OVOL2: variants seen among roughly 807,000 people sequenced by gnomAD.
OVOL2 encodes the protein ovo like zinc finger 2, also known as transcription factor Ovo-like 2.
A neutral mutation model predicts 18.1 loss-of-function variants in OVOL2; 13 were observed. That is an observed-to-expected ratio of 0.72 (90% confidence interval 0.47 to 1.14). The LOEUF (loss-of-function observed/expected upper bound fraction) is 1.14, where lower values mean the gene tolerates loss of function less well. OVOL2 is among the 50% of genes most tolerant of loss of function. The probability of loss-of-function intolerance (pLI) is 0.00; values close to 1 mark genes in which losing one functional copy is unlikely to be tolerated. For synonymous variants in OVOL2, 166 were observed against 162.7 expected, an observed-to-expected ratio of 1.02 and a Z score of -0.16; for missense variants, 335 against 383.0, an observed-to-expected ratio of 0.87 and a Z score of 1.05.
At chr20:18,046,485 G>A (rs918045488) in intron 2 of OVOL2, among the ~76,000 whole-genome samples, 1 of 152,190 alleles carries the variant, frequency 6.6e-6, no homozygotes, top group Non-Finnish European at 1.5e-5. Context: ...GCAACCACAA[G>A]GCAAGAACTG....
chr20:18,031,554 G>A (rs1202825491), intron 3 of OVOL2, among the ~76,000 whole-genome samples: 1 of 152,080 alleles, frequency 6.6e-6, no homozygotes, highest in Admixed American at 6.5e-5. Flanking sequence ...TCCAACCTGG[G>A]TAACGGAGCG....
rs1050887671 is a variant in OVOL2, at chr20:18,024,457, C to T, written c.*179G>A. ...ACAGGACACAGGTTACAGGGCCTGA[C>T]GTCACTAACGGCAACTGACAATCTT... On this transcript the variant is annotated 3_prime_UTR_variant, in exon 4 of 4. Transcript: ENST00000278780. 6.8e-6 allele frequency: 9 copies of T among 1,329,916 alleles called. No individual in the cohort carries two copies. The highest frequency in any genetic ancestry group is 1.6e-5 in the South Asian group (1 of 60,678). The allele number at this position is 1,329,916 out of a possible 1,614,324, so 82.4% of individuals were successfully genotyped here.
intron 3 of OVOL2, 57 bp from the exon 4 acceptor site, chr20:18,025,009 C>T: frequency 1.3e-6 from 2 of 1,547,512 alleles, no homozygotes; most frequent in Non-Finnish European, 1.8e-6. Flanking sequence ...CCAGAACCAC[C>T]CAACTATGAA....
intron 2 of OVOL2, among the ~76,000 whole-genome samples, chr20:18,043,522 C>G (rs1164073821): frequency 6.6e-6 from 1 of 152,206 alleles, no homozygotes; most frequent in Non-Finnish European, 1.5e-5. Context: ...TGAATAAAGC[C>G]TGATTGGACT....
chr20:18,031,164 A>G (rs1419212578), intron 3 of OVOL2, among the ~76,000 whole-genome samples: 1 of 152,224 alleles, frequency 6.6e-6, no homozygotes, highest in African/African-American at 2.4e-5. Context: ...CTGTGAGTCC[A>G]AGGCCACCGA....
At chr20:18,044,527 T>G (rs2036707302) in intron 2 of OVOL2, among the ~76,000 whole-genome samples, 1 of 152,164 alleles carries the variant, frequency 6.6e-6, no homozygotes, top group African/African-American at 2.4e-5. Context: ...CTCCACTAGT[T>G]CATTTTCCTT....
At chr20:18,036,718 G>T (rs1030924380) in intron 3 of OVOL2, among the ~76,000 whole-genome samples, 1 of 152,038 alleles carries the variant, frequency 6.6e-6, no homozygotes, top group Non-Finnish European at 1.5e-5. Flanking sequence ...TGGCACCACT[G>T]AACTCACACG....
At chr20:18,036,549 G>C (rs1170838769) in intron 3 of OVOL2, among the ~76,000 whole-genome samples, 1 of 152,098 alleles carries the variant, frequency 6.6e-6, no homozygotes, top group East Asian at 1.9e-4. Context: ...AAAACGTCAG[G>C]TGGAAGGTAT....
intron 2 of OVOL2, among the ~76,000 whole-genome samples, chr20:18,053,073 C>T (rs181716090): frequency 2.0e-5 from 3 of 152,268 alleles, no homozygotes; most frequent in Non-Finnish European, 4.4e-5. Flanking sequence ...TGAGGCACAC[C>T]GTCAAAAGGC....
At chr20:18,048,696 G>T (rs553403154) in intron 2 of OVOL2, among the ~76,000 whole-genome samples, 16 of 152,118 alleles carry the variant, frequency 1.1e-4, no homozygotes, top group Non-Finnish European at 2.2e-4. Flanking sequence ...GACAGAGAGA[G>T]ACCCTGTCTC....
At chr20:18,031,044 C>G (rs2036565151) in intron 3 of OVOL2, among the ~76,000 whole-genome samples, 2 of 152,208 alleles carry the variant, frequency 1.3e-5, no homozygotes, top group South Asian at 4.1e-4. Context: ...GCTCACCCAT[C>G]TTGGTGCTCT....
At chr20:18,035,655 C>T (rs183178513) in intron 3 of OVOL2, among the ~76,000 whole-genome samples, 24 of 152,290 alleles carry the variant, frequency 1.6e-4, no homozygotes, top group Non-Finnish European at 2.1e-4. Context: ...TCTGAGCTTG[C>T]CACCAGCTGA....
At chr20:18,035,271 TGAA>T (rs1339068438) in intron 3 of OVOL2, among the ~76,000 whole-genome samples, 1 of 152,006 alleles carries the variant, frequency 6.6e-6, no homozygotes, top group Non-Finnish European at 1.5e-5. Context: ...GCCAACATGG[TGAA>T]ACCCCATCTC....
In OVOL2 at chr20:18,024,353, GA is replaced by G. The variant is rs3215639; in HGVS notation, c.*282del. On this transcript the variant is annotated 3_prime_UTR_variant, in exon 4 of 4. Transcript: ENST00000278780. ...CTTCCGTGTGTGAAAATCCTTGGGG[GA>G]AAAAAAAATCCCACACGGTGTTCTT... The G allele has an allele frequency of 0.26, 97,556 of 370,088 alleles. 14,197 individuals carry two copies. Among genetic ancestry groups the G allele is most frequent in the South Asian group, 0.41 (5,356 of 13,024 alleles). The allele number at this position is 370,088 out of a possible 1,614,324, so 22.9% of individuals were successfully genotyped here.
chr20:18,053,068 C>T (rs759234624), intron 2 of OVOL2, among the ~76,000 whole-genome samples: 1 of 152,194 alleles, frequency 6.6e-6, no homozygotes, highest in Non-Finnish European at 1.5e-5. Context: ...TGCCCTGAGG[C>T]ACACCGTCAA....
chr20:18,039,607 C>CAAAAAAAAAAAAAAAAAAAAAAAAAA (rs111619803), intron 3 of OVOL2, among the ~76,000 whole-genome samples: 1 of 87,042 alleles, frequency 1.1e-5, no homozygotes, highest in African/African-American at 4.0e-5. Flanking sequence ...GACGCTGTCT[C>CAAAAAAAAAAAAAAAAAAAAAAAAAA]AAAAAAAAAA....
chr20:18,047,651 C>T (rs1220847833), intron 2 of OVOL2, among the ~76,000 whole-genome samples: 2 of 149,336 alleles, frequency 1.3e-5, no homozygotes, highest in Non-Finnish European at 3.0e-5. Context: ...GTCAGGAGTT[C>T]GAGACCAGCC....
intron 3 of OVOL2, among the ~76,000 whole-genome samples, chr20:18,025,897 A>C (rs1242851481): frequency 1.3e-5 from 2 of 152,266 alleles, no homozygotes; most frequent in Non-Finnish European, 2.9e-5. Flanking sequence ...CCTTGTGCAG[A>C]CAGACTGGGC....
intron 2 of OVOL2, among the ~76,000 whole-genome samples, chr20:18,053,933 G>T (rs7265997): frequency 0.011 from 1,658 of 152,124 alleles, 20 homozygotes; most frequent in South Asian, 0.055. Flanking sequence ...CTCCAGCTGC[G>T]GGACTCAGCC....
Sources: allele counts gnomAD v4.1 joint callset (sites outside exome capture counted in the v4.1 genomes callset), GRCh38; gene constraint gnomAD v4.1.1; transcripts MANE v1.5; gene names NCBI Gene and HGNC (gene_info 2026-07-23, HGNC 2026-07-21).